YTHDF1: variants seen among roughly 807,000 people sequenced by gnomAD.
YTHDF1 encodes YTH N6-methyladenosine RNA binding protein F1, also known as YTH domain-containing family protein 1.
A neutral mutation model predicts 49.1 loss-of-function variants in YTHDF1; 16 were observed. The observed-to-expected ratio is 0.33, with a 90% confidence interval of 0.22 to 0.49. The LOEUF is 0.49. Among genes scored for constraint, YTHDF1 ranks in the 20% least tolerant of loss-of-function variants. YTHDF1 has a pLI of 0.99. For missense variants in YTHDF1, 621 were observed against 744.3 expected, an observed-to-expected ratio of 0.83 and a Z score of 1.93; for synonymous variants, 313 against 290.1, an observed-to-expected ratio of 1.08 and a Z score of -0.80.
intron 3 of YTHDF1, among the ~76,000 whole-genome samples, chr20:63,213,632 T>C (rs1219250896): frequency 1.3e-5 from 2 of 152,174 alleles, no homozygotes; most frequent in Non-Finnish European, 2.9e-5. Context: ...CTAGACCTGT[T>C]TGCATCCCAG....
intron 3 of YTHDF1, 40 bp downstream of exon 3, chr20:63,213,824 C>A: frequency 1.3e-6 from 2 of 1,562,148 alleles, no homozygotes; most frequent in Non-Finnish European, 1.7e-6. Flanking sequence ...ACAATTAAAA[C>A]CAACTTAAAA....
rs2066489506 is a variant in YTHDF1, at chr20:63,195,703, C to G, written c.*1005G>C. 6.6e-6 allele frequency: 1 copy of G among 152,518 alleles called. No individual in the cohort carries two copies. The highest frequency in any genetic ancestry group is 2.4e-5 in the African/African-American group (1 of 41,446). The allele number at this position is 152,518 out of a possible 1,614,324, so 9.4% of individuals were successfully genotyped here. On this transcript the variant is annotated 3_prime_UTR_variant, in exon 5 of 5. Transcript: ENST00000370339. ...CATGGGCACCATTTTCATGCTTCAA[C>G]TCAAACTCCAGGTGGTAGTGAGCTC...
chr20:63,208,959 G>C (rs2066560791), intron 3 of YTHDF1, among the ~76,000 whole-genome samples: 1 of 152,250 alleles, frequency 6.6e-6, no homozygotes, highest in African/African-American at 2.4e-5. Context: ...TGTGAGCATG[G>C]AGGCAGTATC....
At position 63,196,713 on chromosome 20, in the gene YTHDF1, G is replaced by A; in HGVS notation, c.1675C>T (p.Gln559Ter). The A allele has an allele frequency of 6.2e-7, 1 of 1,613,840 alleles. No individual in the cohort carries two copies. The highest frequency in any genetic ancestry group is 1.1e-5 in the South Asian group (1 of 91,056). ...VRKERQSRNK[Q>*] ...TGTAAGAAACTGGTTCGCCCTCATT[G>A]TTTGTTTCGACTCTGCCGTTCCTGT... Residue 559 changes from glutamine (Q) to a stop codon, truncating the protein, a stop_gained, in exon 5 of 5, where the codon CAA (glutamine) becomes TAA (stop). Transcript: ENST00000370339. LOFTEE classifies it high-confidence loss of function.
At chr20:63,197,838 G>C (rs2066499574) in intron 4 of YTHDF1, among the ~76,000 whole-genome samples, 1 of 152,150 alleles carries the variant, frequency 6.6e-6, no homozygotes, top group African/African-American at 2.4e-5. Flanking sequence ...CAGCGGGCAG[G>C]ACACCCAAAC....
chr20:63,199,229 C>G (rs2066506524), intron 4 of YTHDF1, among the ~76,000 whole-genome samples: 1 of 152,206 alleles, frequency 6.6e-6, no homozygotes, highest in African/African-American at 2.4e-5. Context: ...CTTAAAACTG[C>G]ACTGACTCGG....
intron 3 of YTHDF1, among the ~76,000 whole-genome samples, chr20:63,212,394 T>C (rs894807031): frequency 1.3e-5 from 2 of 152,240 alleles, no homozygotes; most frequent in African/African-American, 4.8e-5. Context: ...ACTAGTTTTA[T>C]TCCTTCACAG....
chr20:63,206,238 C>T lies in YTHDF1; in HGVS notation c.133-2431G>A, dbSNP rs1034089138. On this transcript the variant is annotated intron_variant, in intron 3 of 4. Coordinates refer to ENST00000370339, the MANE Select transcript of YTHDF1 (RefSeq NM_017798.4). Reference sequence around the variant, plus strand: ...AAGAGCAGATGGGAAAAAAAGACCTCGATGGCTGTGTGGTATTCTAATCCA... The same window carrying T: ...AAGAGCAGATGGGAAAAAAAGACCTTGATGGCTGTGTGGTATTCTAATCCA... Among the ~76,000 whole-genome samples, 10 of 152,204 alleles carry T rather than the reference C, an allele frequency of 6.6e-5. No individual in the cohort carries two copies. In the East Asian group the frequency reaches 9.6e-4, roughly 15 times the overall value.
In YTHDF1 at chr20:63,202,695, C is replaced by T. The variant is rs151012385; in HGVS notation, c.1245G>A (p.Glu415=). 2.5e-5 allele frequency: 40 copies of T among 1,614,034 alleles called. No individual in the cohort carries two copies. The African/African-American group carries it at 5.3e-4, about 22-fold the overall frequency. The part of the protein sequence containing the change: ...SIKYSIWCST[E]HGNKRLDSAF... ...CGCTGTCCAGGCGCTTGTTGCCGTG[C>T]TCTGTGCTACACCAGATGGAGTACT... Residue 415 remains glutamate, a synonymous_variant, in exon 4 of 5, where the codon GAG becomes GAA. Coordinates refer to ENST00000370339, the MANE Select transcript of YTHDF1 (RefSeq NM_017798.4).
intron 4 of YTHDF1, among the ~76,000 whole-genome samples, chr20:63,198,156 G>C (rs925528135): frequency 6.6e-6 from 1 of 152,036 alleles, no homozygotes; most frequent in African/African-American, 2.4e-5. Flanking sequence ...TCCCAGGCTG[G>C]GTGTGGTGGC....
At chr20:63,210,909 G>C (rs1340116108) in intron 3 of YTHDF1, among the ~76,000 whole-genome samples, 2 of 152,200 alleles carry the variant, frequency 1.3e-5, no homozygotes, top group Non-Finnish European at 2.9e-5. Flanking sequence ...ATACTGAGCG[G>C]CTACAGTCGC....
At chr20:63,215,463 C>T in intron 2 of YTHDF1, 114 bp downstream of exon 2, 4 of 1,438,634 alleles carry the variant, frequency 2.8e-6, no homozygotes, top group Admixed American at 1.8e-5. Context: ...GTTTTATCTC[C>T]CTGAAGCTGG....
chr20:63,202,389 C>T lies in YTHDF1; in HGVS notation c.1551G>A (p.Lys517=). 3.7e-6 allele frequency: 6 copies of T among 1,614,282 alleles called. No individual in the cohort carries two copies. Among genetic ancestry groups the T allele is most frequent in the Non-Finnish European group, 5.1e-6 (6 of 1,180,046 alleles). Residue 517 remains lysine (K), a synonymous_variant, in exon 4 of 5, where the codon AAG becomes AAA. Coordinates refer to ENST00000370339, the MANE Select transcript of YTHDF1 (RefSeq NM_017798.4). ...AGGAACTGATAATTTTCAGCACTTG[C>T]TTGGCTTTTTCTAAGGGCACCTCCT... ...DTQEVPLEKA[K]QVLKIISSYK... is the part of the protein sequence containing the mutation.
intron 3 of YTHDF1, among the ~76,000 whole-genome samples, chr20:63,206,880 T>G (rs1475329571): frequency 6.8e-6 from 1 of 147,360 alleles, no homozygotes; most frequent in Non-Finnish European, 1.5e-5. Context: ...ATGAGCCACA[T>G]GTCAGGCTGC....
chr20:63,212,271 C>T (rs955364254), intron 3 of YTHDF1, among the ~76,000 whole-genome samples: 17 of 152,180 alleles, frequency 1.1e-4, no homozygotes, highest in Admixed American at 6.5e-5. Context: ...TGCCGAGGCT[C>T]CACCTGTACA....
intron 4 of YTHDF1, among the ~76,000 whole-genome samples, chr20:63,200,602 C>T (rs901237014): frequency 2.6e-5 from 4 of 152,116 alleles, no homozygotes; most frequent in Non-Finnish European, 4.4e-5. Flanking sequence ...CAGGCAGATG[C>T]CCACAGACCC....
Position 63,202,315 on chromosome 20 carries a change from C to T in YTHDF1, c.1625G>A (p.Arg542His), listed in dbSNP as rs759033271. 3 of 1,613,726 alleles carry T rather than the reference C, an allele frequency of 1.9e-6. No individual in the cohort carries two copies. The highest frequency in any genetic ancestry group is 1.7e-6 in the Non-Finnish European group (2 of 1,179,634). ...GCGCACCACCTCCTCCTCCTCCTGG[C>T]GCTTCTCGTAGTGAGCAAAGTCGTC... ...IFDDFAHYEK[R>H]QEEEEVVRKE... The change falls in exon 4 of 5, where the codon CGC (arginine) becomes CAC (histidine). Residue 542 changes from arginine to histidine, a missense_variant. Around this residue, in one of 2 missense-constraint regions of YTHDF1, gnomAD observed 151 missense variants for 248.5 expected, o/e 0.61. Coordinates refer to ENST00000370339, the MANE Select transcript of YTHDF1 (RefSeq NM_017798.4).
chr20:63,205,564 A>G (rs1449797356), intron 3 of YTHDF1, among the ~76,000 whole-genome samples: 3 of 151,090 alleles, frequency 2.0e-5, no homozygotes, highest in Non-Finnish European at 4.4e-5. Context: ...GCTGCAGTGC[A>G]GTGGCACGAT....
At chr20:63,212,612 G>C (rs149770192) in intron 3 of YTHDF1, among the ~76,000 whole-genome samples, 2 of 152,356 alleles carry the variant, frequency 1.3e-5, no homozygotes, top group Admixed American at 6.5e-5. Context: ...CTGGAGGTAG[G>C]AAAGTGAGGC....
Sources: gnomAD v4.1 joint callset for allele counts (sites outside exome capture counted in the v4.1 genomes callset) on GRCh38, gnomAD v4.1.1 for gene constraint, gnomAD v4.1.1 regional missense constraint, MANE v1.5 for transcripts, NCBI Gene and HGNC (gene_info 2026-07-23, HGNC 2026-07-21) for gene names.